Variants in ALMS1 observed in about 807,000 individuals in gnomAD.
The protein encoded by ALMS1 is centrosome-associated protein ALMS1.
A neutral mutation model predicts 352.2 loss-of-function variants in ALMS1; 271 were observed. That is an observed-to-expected ratio of 0.77 (90% CI 0.70 to 0.85). ALMS1 has a LOEUF of 0.85. Ranked by LOEUF, ALMS1 falls within the 40% of genes least tolerant of loss-of-function variation. The pLI is 0.00. For missense variants in ALMS1, 5,445 were observed against 4,870.7 expected (o/e 1.12, Z -3.51); for synonymous variants, 1,865 against 1,761.2 (o/e 1.06, Z -1.48).
chr2:73,441,530 C>T (rs936922311), intron 7 of ALMS1, among the ~76,000 whole-genome samples: 1 of 152,078 alleles, frequency 6.6e-6, no homozygotes, highest in African/African-American at 2.4e-5. Flanking sequence ...CTGGGCTGCC[C>T]GTTTCTTGGT....
intron 10 of ALMS1, among the ~76,000 whole-genome samples, chr2:73,516,285 TA>T (rs542595732): frequency 6.6e-6 from 1 of 151,628 alleles, no homozygotes; most frequent in South Asian, 2.1e-4. Flanking sequence ...TAATAAAAAG[TA>T]AAAAAAATAA....
At chr2:73,572,096 A>G (rs193271248) in intron 15 of ALMS1, among the ~76,000 whole-genome samples, 166 bp from the exon 16 acceptor site, 14 of 152,346 alleles carry the variant, frequency 9.2e-5, no homozygotes, top group African/African-American at 1.7e-4. Flanking sequence ...CGAGGCTACT[A>G]AGAACAAGGC....
At chr2:73,607,810 A>AT (rs537392249) in intron 21 of ALMS1, among the ~76,000 whole-genome samples, 1,854 of 131,468 alleles carry the variant, frequency 0.014, 35 homozygotes, top group African/African-American at 0.04. Flanking sequence ...TGCCCACCTA[A>AT]TTTTTTTTTT....
Position 73,572,839 on chromosome 2 carries a change from C to T in ALMS1, c.10962C>T (p.Ser3654=), listed in dbSNP as rs1674967989. ...TCTCAGAAAGTACACATGATGATAGCAGAGGGGAACGAAGTGTGAAGGAAT... is the reference window on the plus strand; with the variant it reads ...TCTCAGAAAGTACACATGATGATAGTAGAGGGGAACGAAGTGTGAAGGAAT... ...LQVSESTHDD[S]RGERSVKEWS... The change falls in exon 16 of 23, where the codon AGC becomes AGT. Residue 3654 remains serine (S), a synonymous_variant. Transcript: ENST00000613296. 1 of 1,613,774 alleles carries T rather than the reference C, an allele frequency of 6.2e-7. No homozygotes were observed. Among genetic ancestry groups the T allele is most frequent in the Admixed American group, 1.7e-5 (1 of 59,958 alleles).
intron 14 of ALMS1, 144 bp downstream of exon 14, chr2:73,557,498 GTT>G: frequency 2.8e-6 from 3 of 1,079,306 alleles, no homozygotes; most frequent in Non-Finnish European, 4.1e-6. Context: ...ATATGAAATA[GTT>G]AAGGTATGTT....
In ALMS1 at chr2:73,589,432, A is replaced by C. The variant is rs543244386; in HGVS notation, c.11548-9969A>C. 1.6e-3 allele frequency among the ~76,000 whole-genome samples: 244 copies of C among 152,348 alleles called. 1 individual carries two copies. The highest frequency in any genetic ancestry group is 5.5e-3 in the African/African-American group (229 of 41,584). Reference sequence around the variant, plus strand: ...AACTTCCAGTGCCAAGGGTTGAGTTAAATGTACTCCTCAGTTCATGACCCC... The same window carrying C: ...AACTTCCAGTGCCAAGGGTTGAGTTCAATGTACTCCTCAGTTCATGACCCC... On this transcript the variant is annotated intron_variant, in intron 16 of 22. Transcript: ENST00000613296.
At chr2:73,531,307 C>G (rs1371537776) in intron 11 of ALMS1, among the ~76,000 whole-genome samples, 4 of 152,194 alleles carry the variant, frequency 2.6e-5, no homozygotes, top group African/African-American at 9.7e-5. Context: ...AGAAATTTCT[C>G]CTGCCAGATA....
At chr2:73,423,455 A>G (rs1671320880) in intron 4 of ALMS1, among the ~76,000 whole-genome samples, 1 of 152,236 alleles carries the variant, frequency 6.6e-6, no homozygotes, top group African/African-American at 2.4e-5. Flanking sequence ...ATGAACAGAC[A>G]TATCCAAATG....
intron 10 of ALMS1, among the ~76,000 whole-genome samples, chr2:73,508,398 G>A (rs1673381654): frequency 6.6e-6 from 1 of 151,602 alleles, no homozygotes; most frequent in African/African-American, 2.4e-5. Flanking sequence ...GTAGAGACAG[G>A]GTTTCACTGT....
chr2:73,520,517 GCT>G (rs1436326391), intron 11 of ALMS1, among the ~76,000 whole-genome samples: 1 of 152,122 alleles, frequency 6.6e-6, no homozygotes. Context: ...TTGTCTTCTT[GCT>G]CTGTTTTCTT....
At chr2:73,435,847 C>T (rs1480711035) in intron 7 of ALMS1, among the ~76,000 whole-genome samples, 2 of 152,184 alleles carry the variant, frequency 1.3e-5, no homozygotes, top group Non-Finnish European at 2.9e-5. Flanking sequence ...CCACCTTGGC[C>T]TCCTAAAGTG....
At chr2:73,461,511 CA>C (rs1234772729) in intron 9 of ALMS1, among the ~76,000 whole-genome samples, 1 of 152,196 alleles carries the variant, frequency 6.6e-6, no homozygotes, top group Non-Finnish European at 1.5e-5. Context: ...GCAGAAAAAA[CA>C]GAGCAGAAAA....
rs1282223996 is a variant in ALMS1, at chr2:73,462,503, T to G, written c.7674+7208T>G. Among the ~76,000 whole-genome samples the G allele has an allele frequency of 3.9e-5, 6 of 152,178 alleles. No individual in the cohort carries two copies. The East Asian group carries it at 5.8e-4, about 15-fold the overall frequency. ...ACTGGTACCAGCCACTGCAAAAACA[T>G]GCCAAAATGTAAAGACTGTCAAGGC... On this transcript the variant is annotated intron_variant, in intron 9 of 22. Coordinates refer to ENST00000613296, the MANE Select transcript of ALMS1 (RefSeq NM_001378454.1).
chr2:73,572,593 A>G lies in ALMS1; in HGVS notation c.10716A>G (p.Lys3572=), dbSNP rs2104104864. Residue 3572 remains lysine, a synonymous_variant, in exon 16 of 23, where the codon AAA becomes AAG. Coordinates refer to ENST00000613296, the MANE Select transcript of ALMS1 (RefSeq NM_001378454.1). ...AAAGTCAAGTTAGAGATTATCCAAA[A>G]CATAATGGACAAATTAGTGATCCAC... ...TTKSQVRDYP[K]HNGQISDPQR... The G allele has an allele frequency of 2.5e-6, 4 of 1,613,952 alleles. No individual in the cohort carries two copies. The highest frequency in any genetic ancestry group is 3.4e-6 in the Non-Finnish European group (4 of 1,179,996).
rs948843150 is a variant in ALMS1 at position 73,559,075 on chromosome 2, T to C, written c.10317T>C (p.His3439=). Residue 3439 remains histidine (H), a synonymous_variant, in exon 15 of 23, where the codon CAT becomes CAC. Coordinates refer to ENST00000613296, the MANE Select transcript of ALMS1 (RefSeq NM_001378454.1). ...CCATTACACAGAAAGAGGAGATCCA[T>C]AGGAAGAAGACAGTTCCCGAGGAAG... ...TKAITQKEEI[H]RKKTVPEEAW... is the part of the protein sequence containing the mutation. 2 of 1,613,926 alleles carry C rather than the reference T, an allele frequency of 1.2e-6. No individual in the cohort carries two copies. The highest frequency in any genetic ancestry group is 2.2e-5 in the East Asian group (1 of 44,858).
intron 10 of ALMS1, among the ~76,000 whole-genome samples, chr2:73,503,783 G>C (rs1359234169): frequency 6.6e-6 from 1 of 152,102 alleles, no homozygotes. Context: ...AGTTGTGGCT[G>C]TTAGGTGCCT....
chr2:73,592,015 T>G (rs1675445313), intron 16 of ALMS1, among the ~76,000 whole-genome samples: 1 of 152,238 alleles, frequency 6.6e-6, no homozygotes, highest in African/African-American at 2.4e-5. Context: ...TTTTTTTACC[T>G]TAGTTGTAAT....
intron 11 of ALMS1, among the ~76,000 whole-genome samples, chr2:73,523,146 T>C (rs1012331157): frequency 6.6e-6 from 1 of 152,216 alleles, no homozygotes; most frequent in Admixed American, 6.5e-5. Flanking sequence ...GTACCATCTA[T>C]GGTTCAGAGC....
At chr2:73,561,895 A>C (rs1169891925) in intron 15 of ALMS1, among the ~76,000 whole-genome samples, 1 of 152,200 alleles carries the variant, frequency 6.6e-6, no homozygotes, top group Non-Finnish European at 1.5e-5. Context: ...CACTCTGAAT[A>C]ATTTTAGAAG....
Sources: allele counts gnomAD v4.1 joint callset (sites outside exome capture counted in the v4.1 genomes callset), GRCh38; gene constraint gnomAD v4.1.1; transcripts MANE v1.5; gene names NCBI Gene and HGNC (gene_info 2026-07-23, HGNC 2026-07-21).